RFNG: variants seen among roughly 807,000 people sequenced by gnomAD.
RFNG encodes the protein beta-1,3-N-acetylglucosaminyltransferase radical fringe.
RFNG carries 37 observed loss-of-function variants against 29.6 expected under a neutral mutation model. The ratio of observed to expected loss-of-function variants is 1.25; its 90% confidence interval spans 0.96 to 1.65. The LOEUF is 1.65. Among genes scored for constraint, RFNG ranks in the 40% most tolerant of loss-of-function variants. The pLI, the probability that RFNG is intolerant of heterozygous loss-of-function variation, is 0.00. For missense variants in RFNG, 546 were observed against 457.0 expected, an observed-to-expected ratio of 1.19 and a Z score of -1.78; for synonymous variants, 276 against 197.3, an observed-to-expected ratio of 1.40 and a Z score of -3.34.
At position 82,048,457 on chromosome 17, in the gene RFNG, C is replaced by T. The variant is rs566255045; in HGVS notation, c.*269G>A. The T allele has an allele frequency of 3.1e-4, 160 of 508,796 alleles. 1 individual carries two copies. In the East Asian group the frequency reaches 4.5e-3, roughly 14 times the overall value. The allele number at this position is 508,796 out of a possible 1,614,324, so 31.5% of individuals were successfully genotyped here. A position where few individuals can be genotyped will look rare whatever the true frequency, so the allele number is the denominator to read the frequency against. On this transcript the variant is annotated 3_prime_UTR_variant, in exon 8 of 8. Coordinates refer to ENST00000310496, the MANE Select transcript of RFNG (RefSeq NM_002917.2). ...AAGTGCTGGGGTGGAAGCCTGTTCC[C>T]GTGGGATCAACCTTGGGGCTGGGTC...
rs771146715 is a variant in RFNG, at chr17:82,050,893, G to A, written c.317-129C>T. 7.1e-6 allele frequency: 10 copies of A among 1,406,288 alleles called. No individual in the cohort carries two copies. The African/African-American group carries it at 9.9e-5, about 14-fold the overall frequency. The allele number at this position is 1,406,288 out of a possible 1,614,324, so 87.1% of individuals were successfully genotyped here. On this transcript the variant is annotated intron_variant, in intron 2 of 7. Transcript: ENST00000310496. ...CTGACATGCCTGGACACCTTGCCTGGGTCCAACCACAGCCCTAGCCCTCAC... is the reference window on the plus strand; with the variant it reads ...CTGACATGCCTGGACACCTTGCCTGAGTCCAACCACAGCCCTAGCCCTCAC...
chr17:82,051,203 G>A lies in RFNG; in HGVS notation c.316+91C>T. 16 of 1,306,460 alleles carry A rather than the reference G, an allele frequency of 1.2e-5. No homozygotes were observed. Among genetic ancestry groups the A allele is most frequent in the Middle Eastern group, 2.8e-4 (1 of 3,616 alleles). The allele number at this position is 1,306,460 out of a possible 1,614,324, so 80.9% of individuals were successfully genotyped here. ...GGCCTCGGGAGCCTGGGCAGAGAAAGGCACCCACAGCAGCGAAGGGGCCGT... is the reference window on the plus strand; with the variant it reads ...GGCCTCGGGAGCCTGGGCAGAGAAAAGCACCCACAGCAGCGAAGGGGCCGT... On this transcript the variant is annotated intron_variant, in intron 2 of 7. Transcript: ENST00000310496. This position sits in a 1 kb window ranked among gnomAD's most constrained non-coding sequence, Gnocchi z 4.1.
At chr17:82,049,380 C>T (rs1361816595) in intron 6 of RFNG, 2 of 698,602 alleles carry the variant, frequency 2.9e-6, no homozygotes, top group South Asian at 1.5e-5. Flanking sequence ...CGTGATGGGA[C>T]CTGTTCCGAC....
chr17:82,051,032 C>A lies in RFNG; in HGVS notation c.316+262G>T. The stretch of plus-strand genomic sequence containing the variant: ...CTGACCTGGCCTGGAAGGGCGGATT[C>A]CCTGCTGGCGCTTCTTCAGGGGACG... On this transcript the variant is annotated intron_variant, in intron 2 of 7. Transcript: ENST00000310496. This position sits in a 1 kb window ranked among gnomAD's most constrained non-coding sequence, Gnocchi z 4.1. The A allele has an allele frequency of 1.4e-6, 2 of 1,394,316 alleles. No individual in the cohort carries two copies. Among genetic ancestry groups the A allele is most frequent in the Non-Finnish European group, 1.9e-6 (2 of 1,079,474 alleles). The allele number at this position is 1,394,316 out of a possible 1,614,324, so 86.4% of individuals were successfully genotyped here.
In RFNG at chr17:82,049,806, C is replaced by G. The variant is rs2030166358; in HGVS notation, c.699G>C (p.Arg233=). ...GSFMSTAEQV[R]LPDDCTVGYI... ...AGCCAACTGTGCAGTCATCCGGCAG[C>G]CGCACCTGCTCAGCTGTGCTCATGA... The change falls in exon 6 of 8, where the codon CGG becomes CGC. Residue 233 remains arginine, a synonymous_variant. Coordinates refer to ENST00000310496, the MANE Select transcript of RFNG (RefSeq NM_002917.2). The G allele has an allele frequency of 3.9e-6, 6 of 1,555,822 alleles. No individual in the cohort carries two copies. In the East Asian group the frequency reaches 9.0e-5, roughly 23 times the overall value.
At chr17:82,049,631 C>T (rs769284276) in intron 6 of RFNG, 46 bp downstream of exon 6, 31 of 1,460,848 alleles carry the variant, frequency 2.1e-5, no homozygotes, top group South Asian at 1.1e-4. Context: ...GGAGTCAGGG[C>T]GGGGCAAAGC....
rs556633181 is a variant in RFNG at position 82,049,883 on chromosome 17, C to T, written c.662+35G>A. 2.0e-5 allele frequency: 33 copies of T among 1,611,242 alleles called. No individual in the cohort carries two copies. The East Asian group carries it at 4.0e-4, about 20-fold the overall frequency. On this transcript the variant is annotated intron_variant, in intron 5 of 7. Coordinates refer to ENST00000310496, the MANE Select transcript of RFNG (RefSeq NM_002917.2). ...TCAGCACCTTTCAGGTCTCAGCCTC[C>T]GCCTCCCAGCCCGGGCAGCTGGACC...
rs962415355 is a variant in RFNG, at chr17:82,048,674, G to A, written c.*52C>T. On this transcript the variant is annotated 3_prime_UTR_variant, in exon 8 of 8. Transcript: ENST00000310496. ...CCCACTGAGCCCATAGGGGGCTCTG[G>A]TTCCCCGCGCCTGGGACAGAGCCAG... is the stretch of plus-strand genomic sequence containing the variant. 1 of 1,488,176 alleles carries A rather than the reference G, an allele frequency of 6.7e-7. No homozygotes were observed. The highest frequency in any genetic ancestry group is 1.1e-5 in the South Asian group (1 of 88,620). 92.2% of individuals were successfully genotyped at this position (1,488,176 alleles called of 1,614,324 possible).
In RFNG at chr17:82,050,262, C is replaced by G. The variant is rs983265645; in HGVS notation, c.573+140G>C. Reference sequence around the variant, plus strand: ...CTCCTGGCCTGCTCCTGAAACACCACATGCAAACCACCTGGGTGGATCAGC... The same window carrying G: ...CTCCTGGCCTGCTCCTGAAACACCAGATGCAAACCACCTGGGTGGATCAGC... On this transcript the variant is annotated intron_variant, in intron 4 of 7. Transcript: ENST00000310496. 2.8e-6 allele frequency: 3 copies of G among 1,066,468 alleles called. No homozygotes were observed. In the African/African-American group the frequency reaches 4.8e-5, roughly 17 times the overall value. 66.1% of individuals were successfully genotyped at this position (1,066,468 alleles called of 1,614,324 possible).
intron 7 of RFNG, 83 bp from the exon 8 acceptor site, chr17:82,048,890 G>A (rs1203916508): frequency 6.8e-6 from 10 of 1,460,034 alleles, no homozygotes; most frequent in Non-Finnish European, 9.6e-6. Context: ...GAGAACCTGG[G>A]GTCAGGGCCG....
intron 6 of RFNG, chr17:82,049,358 C>T (rs2144195026): frequency 2.9e-6 from 2 of 698,960 alleles, no homozygotes; most frequent in Non-Finnish European, 5.2e-6. Context: ...CCCTCATTCC[C>T]TCCCTGCTCC....
At position 82,050,746 on chromosome 17, in the gene RFNG, G is replaced by A. The variant is rs1292842041; in HGVS notation, c.335C>T (p.Thr112Ile). 1.9e-6 allele frequency: 3 copies of A among 1,612,980 alleles called. No individual in the cohort carries two copies. Among genetic ancestry groups the A allele is most frequent in the Admixed American group, 1.7e-5 (1 of 60,002 alleles). Residue 112 changes from threonine to isoleucine, a missense_variant, in exon 3 of 8, where the codon ACC (threonine) becomes ATC (isoleucine). Transcript: ENST00000310496. ...ELQGGDRVIN[T>I]NCSAVRTRQA... ...ACGAGTGCGCACCGCCGAGCAGTTGGTGTTGATGACACGGTCGCCTGCGAA... is the reference window on the plus strand; with the variant it reads ...ACGAGTGCGCACCGCCGAGCAGTTGATGTTGATGACACGGTCGCCTGCGAA...
intron 5 of RFNG, 37 bp from the exon 6 acceptor site, chr17:82,049,879 C>A: frequency 1.2e-6 from 2 of 1,611,322 alleles, no homozygotes; most frequent in Non-Finnish European, 1.7e-6. Flanking sequence ...CAGGTCTCAG[C>A]CTCCGCCTCC....
rs759652300 is a variant in RFNG at position 82,049,169 on chromosome 17, C to A, written c.829-53G>T. 5.5e-6 allele frequency: 8 copies of A among 1,462,262 alleles called. No individual in the cohort carries two copies. The Admixed American group carries it at 5.6e-5, about 10-fold the overall frequency. The allele number at this position is 1,462,262 out of a possible 1,614,324, so 90.6% of individuals were successfully genotyped here. ...TGTGGCCTGGTCTGGTCTCGGGCCA[C>A]GCCTGCCCCTGGCCAGGAGCCCTGC... is the stretch of plus-strand genomic sequence containing the variant. On this transcript the variant is annotated intron_variant, in intron 6 of 7. Transcript: ENST00000310496.
chr17:82,051,777 G>T lies in RFNG; in HGVS notation c.-11C>A. The T allele has an allele frequency of 2.7e-6, 3 of 1,112,532 alleles. No individual in the cohort carries two copies. Among genetic ancestry groups the T allele is most frequent in the Non-Finnish European group, 3.3e-6 (3 of 912,692 alleles). 68.9% of individuals were successfully genotyped at this position (1,112,532 alleles called of 1,614,324 possible). On this transcript the variant is annotated 5_prime_UTR_variant, in exon 1 of 8. Coordinates refer to ENST00000310496, the MANE Select transcript of RFNG (RefSeq NM_002917.2). The surrounding 1 kb of genome is among the most constrained non-coding windows in gnomAD (Gnocchi z 4.1). ...ACGCGCGCGGCTCATGCGGCCGCCG[G>T]GACCCCCGGCGCTGCGAGCGGAGAA...
Position 82,051,541 on chromosome 17 carries a change from GC to G in RFNG, c.225del (p.Arg76GlyfsTer76). 7.1e-7 allele frequency: 1 copy of G among 1,400,054 alleles called. No homozygotes were observed. The allele number at this position is 1,400,054 out of a possible 1,614,324, so 86.7% of individuals were successfully genotyped here. On this transcript the variant is annotated frameshift_variant, in exon 1 of 8. Coordinates refer to ENST00000310496, the MANE Select transcript of RFNG (RefSeq NM_002917.2). LOFTEE classifies it high-confidence loss of function. This position sits in a 1 kb window ranked among gnomAD's most constrained non-coding sequence, Gnocchi z 4.1. The part of the protein sequence containing the change: ...KTTRKNHGPR[L>X]RLLLRTWISR... ...GAGATCCAGGTGCGCAGCAGCAGCCGCAGGCGCGGCCCGTGGTTCTTCCGGG... is the reference window on the plus strand; with the variant it reads ...GAGATCCAGGTGCGCAGCAGCAGCCGAGGCGCGGCCCGTGGTTCTTCCGGG...
chr17:82,048,489 A>G lies in RFNG; in HGVS notation c.*237T>C. 3.7e-6 allele frequency: 2 copies of G among 544,010 alleles called. No homozygotes were observed. The highest frequency in any genetic ancestry group is 3.1e-5 in the East Asian group (1 of 32,028). The allele number at this position is 544,010 out of a possible 1,614,324, so 33.7% of individuals were successfully genotyped here. On this transcript the variant is annotated 3_prime_UTR_variant, in exon 8 of 8. Transcript: ENST00000310496. The stretch of plus-strand genomic sequence containing the variant: ...TCAACCTTGGGGCTGGGTCGGGGGG[A>G]GGGGCACTGCGGCCCTGGCCATCAG...
rs913615428 is a variant in RFNG at position 82,051,472 on chromosome 17, T to C, written c.267+28A>G. The C allele has an allele frequency of 1.5e-6, 2 of 1,346,644 alleles. No individual in the cohort carries two copies. The highest frequency in any genetic ancestry group is 1.9e-6 in the Non-Finnish European group (2 of 1,046,892). 83.4% of individuals were successfully genotyped at this position (1,346,644 alleles called of 1,614,324 possible). ...GAGGCGGGGCGGGTGGGCGTGGGGC[T>C]CGCCGTCGGGGTCGGGGTCCGGCGC... On this transcript the variant is annotated intron_variant, in intron 1 of 7. Coordinates refer to ENST00000310496, the MANE Select transcript of RFNG (RefSeq NM_002917.2). The surrounding 1 kb of genome is among the most constrained non-coding windows in gnomAD (Gnocchi z 4.1).
intron 4 of RFNG, 132 bp from the exon 5 acceptor site, chr17:82,050,138 G>T: frequency 1.1e-6 from 1 of 908,604 alleles, no homozygotes. Context: ...GCTTCTTGGA[G>T]CAAAAAGAGC....
Sources: allele counts gnomAD v4.1 joint callset, GRCh38; gene constraint gnomAD v4.1.1; non-coding constraint Gnocchi (gnomAD v3.1); transcripts MANE v1.5; gene names NCBI Gene and HGNC (gene_info 2026-07-23, HGNC 2026-07-21).